Variants in MACROD2 observed in about 807,000 individuals in gnomAD.
MACROD2 encodes mono-ADP ribosylhydrolase 2.
MACROD2 carries 36 observed loss-of-function variants against 70.4 expected under a neutral mutation model. That is an observed-to-expected ratio of 0.51 (90% CI 0.39 to 0.68). MACROD2 has a LOEUF of 0.68. Ranked by LOEUF, MACROD2 falls within the 30% of genes least tolerant of loss-of-function variation. The probability of loss-of-function intolerance (pLI) is 0.00; values close to 1 mark genes in which losing one functional copy is unlikely to be tolerated. For synonymous variants in MACROD2, 172 were observed against 178.8 expected (o/e 0.96, Z 0.30); for missense variants, 496 against 538.4 (o/e 0.92, Z 0.78).
intron 8 of MACROD2, among the ~76,000 whole-genome samples, chr20:15,773,941 G>A (rs539551232): frequency 6.6e-6 from 1 of 152,084 alleles, no homozygotes; most frequent in African/African-American, 2.4e-5. Context: ...TATCTTCCTT[G>A]GAGCAATGAA....
At chr20:14,608,216 A>C (rs1055498843) in intron 4 of MACROD2, among the ~76,000 whole-genome samples, 2 of 152,288 alleles carry the variant, frequency 1.3e-5, no homozygotes, top group East Asian at 3.9e-4. Flanking sequence ...ACATTGCGCC[A>C]TTGCACTCCA....
At chr20:14,965,420 CAACCT>C (rs1284286709) in intron 5 of MACROD2, among the ~76,000 whole-genome samples, 1 of 149,066 alleles carries the variant, frequency 6.7e-6, no homozygotes, top group East Asian at 2.0e-4. Context: ...TAATTGTTTC[CAACCT>C]AGGGACGGCT....
At chr20:14,589,327 T>G (rs1981605510) in intron 4 of MACROD2, among the ~76,000 whole-genome samples, 1 of 152,170 alleles carries the variant, frequency 6.6e-6, no homozygotes. Flanking sequence ...TGTTATTGCT[T>G]TATCAGTTTT....
chr20:15,249,918 C>T (rs1176116773), intron 6 of MACROD2, among the ~76,000 whole-genome samples: 2 of 152,152 alleles, frequency 1.3e-5, no homozygotes, highest in Admixed American at 6.5e-5. Context: ...TATTATTTTT[C>T]CCTTTATATG....
At chr20:15,568,154 C>T (rs1479456229) in intron 8 of MACROD2, among the ~76,000 whole-genome samples, 1 of 152,174 alleles carries the variant, frequency 6.6e-6, no homozygotes, top group Non-Finnish European at 1.5e-5. Flanking sequence ...TATCTCCTAT[C>T]CTACCATTTC....
chr20:14,855,597 G>GTTTTTTTTT (rs71190156), intron 5 of MACROD2, among the ~76,000 whole-genome samples: 1 of 77,242 alleles, frequency 1.3e-5, no homozygotes, highest in East Asian at 5.5e-4. Context: ...ATCCTACCAA[G>GTTTTTTTTT]TTTTTTTTTT....
intron 5 of MACROD2, among the ~76,000 whole-genome samples, chr20:14,777,461 G>A (rs2072248100): frequency 6.6e-6 from 1 of 151,984 alleles, no homozygotes; most frequent in Admixed American, 6.6e-5. Context: ...TCAGAACCAT[G>A]TACCTCTGCT....
intron 6 of MACROD2, among the ~76,000 whole-genome samples, chr20:15,255,151 T>C (rs2077188519): frequency 6.6e-6 from 1 of 152,062 alleles, no homozygotes; most frequent in African/African-American, 2.4e-5. Context: ...ACAGATTATA[T>C]TGAACCTGAT....
intron 8 of MACROD2, among the ~76,000 whole-genome samples, chr20:15,547,467 T>C (rs910635518): frequency 6.6e-6 from 1 of 152,218 alleles, no homozygotes; most frequent in Admixed American, 6.5e-5. Flanking sequence ...TGAGGGATCA[T>C]GTCTCTAAGC....
intron 8 of MACROD2, among the ~76,000 whole-genome samples, chr20:15,558,937 A>G (rs2048204309): frequency 6.6e-6 from 1 of 152,220 alleles, no homozygotes; most frequent in Non-Finnish European, 1.5e-5. Context: ...TAGTTATGCT[A>G]CTAGGATCAC....
intron 3 of MACROD2, among the ~76,000 whole-genome samples, chr20:14,367,965 T>A (rs1000573487): frequency 2.6e-5 from 4 of 152,330 alleles, no homozygotes; most frequent in Admixed American, 6.5e-5. Flanking sequence ...TTTAAATTCA[T>A]TTAAATTTAA....
intron 12 of MACROD2, among the ~76,000 whole-genome samples, chr20:15,952,009 G>C (rs967032841): frequency 6.6e-6 from 1 of 152,036 alleles, no homozygotes; most frequent in Non-Finnish European, 1.5e-5. Context: ...TGAATCATGG[G>C]GGCAGGTGTT....
At chr20:16,044,678 C>T (rs2067356329) in intron 17 of MACROD2, 39 bp downstream of exon 17, 2 of 1,563,310 alleles carry the variant, frequency 1.3e-6, no homozygotes, top group Non-Finnish European at 1.8e-6. Flanking sequence ...AATGATCAAC[C>T]AGCCATAAGA....
intron 8 of MACROD2, among the ~76,000 whole-genome samples, chr20:15,573,661 A>G (rs1241211801): frequency 2.0e-5 from 3 of 152,118 alleles, no homozygotes; most frequent in Non-Finnish European, 4.4e-5. Flanking sequence ...TACCTAAGCC[A>G]TACTCCTACC....
At chr20:16,000,240 A>T (rs1235274792) in intron 15 of MACROD2, among the ~76,000 whole-genome samples, 2 of 152,226 alleles carry the variant, frequency 1.3e-5, no homozygotes, top group Non-Finnish European at 2.9e-5. Context: ...TAACTCTCAA[A>T]TTATGAATCT....
At chr20:14,210,361 T>C (rs1203925306) in intron 3 of MACROD2, among the ~76,000 whole-genome samples, 5 of 152,222 alleles carry the variant, frequency 3.3e-5, no homozygotes, top group Non-Finnish European at 7.3e-5. Flanking sequence ...TAGGAACCTA[T>C]GTCGGCACCC....
intron 8 of MACROD2, among the ~76,000 whole-genome samples, chr20:15,690,670 C>G (rs577846029): frequency 2.0e-5 from 3 of 152,174 alleles, no homozygotes; most frequent in South Asian, 4.1e-4. Context: ...TGAACCCACC[C>G]CTTTCCCTAG....
intron 4 of MACROD2, among the ~76,000 whole-genome samples, chr20:14,520,894 G>A (rs1170433208): frequency 6.6e-6 from 1 of 151,968 alleles, no homozygotes; most frequent in Non-Finnish European, 1.5e-5. Flanking sequence ...ATCTTAAACA[G>A]GACATTAGCA....
At chr20:14,982,946 A>G (rs2074814944) in intron 5 of MACROD2, among the ~76,000 whole-genome samples, 1 of 152,166 alleles carries the variant, frequency 6.6e-6, no homozygotes, top group Admixed American at 6.5e-5. Context: ...GAAAATCTGC[A>G]GACACTCAAT....
Sources: gnomAD v4.1 joint callset for allele counts (sites outside exome capture counted in the v4.1 genomes callset) on GRCh38, gnomAD v4.1.1 for gene constraint, MANE v1.5 for transcripts, NCBI Gene and HGNC (gene_info 2026-07-23, HGNC 2026-07-21) for gene names.